ITFG1: variants seen among roughly 807,000 people sequenced by gnomAD.
ITFG1 encodes T-cell immunomodulatory protein.
ITFG1 carries 34 observed loss-of-function variants against 81.8 expected under a neutral mutation model. The observed-to-expected ratio is 0.42, with a 90% CI of 0.32 to 0.55. The LOEUF is 0.55. Ranked by LOEUF, ITFG1 falls within the 20% of genes least tolerant of loss-of-function variation. The pLI is 0.17. For missense variants in ITFG1, 672 were observed against 755.4 expected (o/e 0.89, Z 1.29); for synonymous variants, 285 against 270.6 (o/e 1.05, Z -0.52).
At chr16:47,416,308 G>A (rs984798482) in intron 6 of ITFG1, among the ~76,000 whole-genome samples, 2 of 151,936 alleles carry the variant, frequency 1.3e-5, no homozygotes, top group Non-Finnish European at 2.9e-5. Context: ...TAGTGGATAA[G>A]TCATTAGAAG....
chr16:47,344,330 G>A (rs1365869116), intron 8 of ITFG1, among the ~76,000 whole-genome samples: 1 of 152,164 alleles, frequency 6.6e-6, no homozygotes, highest in African/African-American at 2.4e-5. Flanking sequence ...CTGGGACTGT[G>A]GTAGGAGTGG....
At chr16:47,308,503 T>C (rs969439409) in intron 10 of ITFG1, among the ~76,000 whole-genome samples, 6 of 152,246 alleles carry the variant, frequency 3.9e-5, no homozygotes, top group Non-Finnish European at 8.8e-5. Context: ...ATGCAGATTA[T>C]AACTGAATTA....
At chr16:47,365,626 T>A in intron 8 of ITFG1, 162 bp downstream of exon 8, 2 of 488,952 alleles carry the variant, frequency 4.1e-6, no homozygotes, top group South Asian at 4.9e-5. Flanking sequence ...AATTGACATG[T>A]CACATACAAT....
At chr16:47,351,922 C>G (rs1332363638) in intron 8 of ITFG1, among the ~76,000 whole-genome samples, 1 of 151,884 alleles carries the variant, frequency 6.6e-6, no homozygotes. Context: ...CTACAACTAT[C>G]TGATATTTGA....
intron 8 of ITFG1, among the ~76,000 whole-genome samples, chr16:47,357,296 A>G (rs1282308089): frequency 6.6e-6 from 1 of 152,162 alleles, no homozygotes; most frequent in East Asian, 1.9e-4. Context: ...CTGAGTATAC[A>G]TTCATAATAC....
chr16:47,439,560 C>A (rs1969217333), intron 5 of ITFG1, among the ~76,000 whole-genome samples: 1 of 152,098 alleles, frequency 6.6e-6, no homozygotes, highest in Non-Finnish European at 1.5e-5. Flanking sequence ...AATTTTCAAC[C>A]CAGATTTTCA....
At chr16:47,263,784 G>A (rs1354218427) in intron 10 of ITFG1, among the ~76,000 whole-genome samples, 2 of 152,130 alleles carry the variant, frequency 1.3e-5, no homozygotes, top group African/African-American at 2.4e-5. Flanking sequence ...TGAATAAAAT[G>A]TCATTCTTAA....
intron 8 of ITFG1, among the ~76,000 whole-genome samples, chr16:47,330,525 C>T (rs775128704): frequency 1.3e-5 from 2 of 151,986 alleles, no homozygotes; most frequent in Non-Finnish European, 1.5e-5. Flanking sequence ...AAACTATCAA[C>T]AGAGTAAAAA....
intron 10 of ITFG1, among the ~76,000 whole-genome samples, chr16:47,293,075 T>C (rs8048672): frequency 1 from 146,987 of 147,280 alleles, 73,347 homozygotes; most frequent in East Asian, 1. Context: ...CATATACATA[T>C]ATATGTATGT....
intron 6 of ITFG1, among the ~76,000 whole-genome samples, chr16:47,403,396 C>T (rs1968687389): frequency 6.6e-6 from 1 of 151,772 alleles, no homozygotes; most frequent in African/African-American, 2.4e-5. Context: ...TTCAAAAAGT[C>T]ATTTTCATTT....
intron 14 of ITFG1, among the ~76,000 whole-genome samples, chr16:47,183,805 G>A (rs1051849396): frequency 6.6e-6 from 1 of 152,236 alleles, no homozygotes; most frequent in Non-Finnish European, 1.5e-5. Flanking sequence ...TTGACGAGCT[G>A]AGAGAAGAAG....
intron 14 of ITFG1, among the ~76,000 whole-genome samples, chr16:47,189,402 T>C (rs2151516987): frequency 6.6e-6 from 1 of 152,316 alleles, no homozygotes; most frequent in South Asian, 2.1e-4. Flanking sequence ...ACCACTACTG[T>C]CCTTTCTACC....
chr16:47,346,204 A>G (rs1238166749), intron 8 of ITFG1, among the ~76,000 whole-genome samples: 1 of 152,232 alleles, frequency 6.6e-6, no homozygotes, highest in Non-Finnish European at 1.5e-5. Context: ...AAGTCTTAAT[A>G]AATTTTAAAA....
At chr16:47,168,266 CT>C (rs768351300) in intron 14 of ITFG1, among the ~76,000 whole-genome samples, 1 of 151,754 alleles carries the variant, frequency 6.6e-6, no homozygotes, top group Admixed American at 6.6e-5. Context: ...TATAATTGGG[CT>C]TTTTTTTGTT....
chr16:47,235,066 C>G (rs1031058734), intron 13 of ITFG1, among the ~76,000 whole-genome samples: 4 of 152,142 alleles, frequency 2.6e-5, no homozygotes, highest in African/African-American at 9.7e-5. Context: ...TATAAATTAC[C>G]CAGTCATGGG....
At chr16:47,314,015 G>A (rs548908491) in intron 8 of ITFG1, among the ~76,000 whole-genome samples, 192 bp from the exon 9 acceptor site, 3 of 152,240 alleles carry the variant, frequency 2.0e-5, no homozygotes, top group Non-Finnish European at 4.4e-5. Context: ...TATCTGGACT[G>A]TGTCTTGTTC....
At chr16:47,158,537 T>C (rs572707688) in intron 17 of ITFG1, among the ~76,000 whole-genome samples, 1 of 152,380 alleles carries the variant, frequency 6.6e-6, no homozygotes, top group East Asian at 1.9e-4. Context: ...TGAACACACG[T>C]TCATTTTTTA....
At chr16:47,337,353 C>T (rs1468038531) in intron 8 of ITFG1, among the ~76,000 whole-genome samples, 5 of 151,828 alleles carry the variant, frequency 3.3e-5, no homozygotes, top group African/African-American at 1.2e-4. Context: ...AGGCAGATCA[C>T]GAGGTCAGGA....
intron 12 of ITFG1, among the ~76,000 whole-genome samples, chr16:47,245,382 C>T (rs1286264065): frequency 3.3e-5 from 5 of 151,968 alleles, no homozygotes; most frequent in African/African-American, 1.2e-4. Context: ...TGAAATCATA[C>T]TACATACTAT....
Sources: allele counts gnomAD v4.1 joint callset (sites outside exome capture counted in the v4.1 genomes callset), GRCh38; gene constraint gnomAD v4.1.1; transcripts MANE v1.5; gene names NCBI Gene and HGNC (gene_info 2026-07-23, HGNC 2026-07-21).